PCBP3: variants seen among roughly 807,000 people sequenced by gnomAD.
The protein encoded by PCBP3 is poly(rC)-binding protein 3.
Under a neutral mutation model 52.7 loss-of-function variants are expected in PCBP3, and 25 were observed. That is an observed-to-expected ratio of 0.47 (90% CI 0.35 to 0.66). The LOEUF is 0.66. Ranked by LOEUF, PCBP3 falls within the 30% of genes least tolerant of loss-of-function variation. The pLI is 0.01. For missense variants in PCBP3, 391 were observed against 490.3 expected, an observed-to-expected ratio of 0.80 and a Z score of 1.91; for synonymous variants, 162 against 183.0, an observed-to-expected ratio of 0.89 and a Z score of 0.93.
chr21:45,902,044 G>T (rs1268242200), intron 9 of PCBP3, among the ~76,000 whole-genome samples: 2 of 152,224 alleles, frequency 1.3e-5, no homozygotes, highest in Admixed American at 1.3e-4. Context: ...GCAGGCAGGA[G>T]GGGGAGCTTG....
At position 45,718,490 on chromosome 21, in the gene PCBP3, G is replaced by C. The variant is rs566855428; in HGVS notation, c.-199-16902G>C. ...TACAGCTTCGAAAGACTCCTGTCCT[G>C]TTCTGCCGCTTCCATGCCAGCCAGG... is the stretch of plus-strand genomic sequence containing the variant. On this transcript the variant is annotated intron_variant, in intron 2 of 17. Transcript: ENST00000681687. 4.6e-5 allele frequency among the ~76,000 whole-genome samples: 7 copies of C among 152,098 alleles called. No homozygotes were observed. In the East Asian group the frequency reaches 9.7e-4, roughly 21 times the overall value.
intron 4 of PCBP3, among the ~76,000 whole-genome samples, chr21:45,809,040 G>C (rs553023552): frequency 6.6e-6 from 1 of 152,056 alleles, no homozygotes; most frequent in Non-Finnish European, 1.5e-5. Context: ...GGCCTGTTGG[G>C]GGGTGGGGGG....
chr21:45,860,526 T>A (rs546077916), intron 5 of PCBP3, among the ~76,000 whole-genome samples: 1 of 152,086 alleles, frequency 6.6e-6, no homozygotes, highest in Non-Finnish European at 1.5e-5. Context: ...AACAGAAGGG[T>A]TCCATGGAGA....
chr21:45,785,996 G>A (rs1263890376), intron 4 of PCBP3, among the ~76,000 whole-genome samples: 2 of 149,944 alleles, frequency 1.3e-5, no homozygotes, highest in Admixed American at 6.6e-5. Context: ...CAAACACTGC[G>A]GAAGGCCGCA....
chr21:45,894,385 G>A (rs1728014228), intron 5 of PCBP3, among the ~76,000 whole-genome samples: 1 of 152,080 alleles, frequency 6.6e-6, no homozygotes, highest in Non-Finnish European at 1.5e-5. Context: ...TAAAAGGGAG[G>A]CACAGAGCTC....
chr21:45,857,908 C>T (rs1328587577), intron 5 of PCBP3, among the ~76,000 whole-genome samples: 1 of 152,222 alleles, frequency 6.6e-6, no homozygotes, highest in East Asian at 1.9e-4. Flanking sequence ...GCCTTGCTCT[C>T]CAGTGTTGAC....
At chr21:45,754,609 C>T (rs1261148347) in intron 3 of PCBP3, among the ~76,000 whole-genome samples, 2 of 152,152 alleles carry the variant, frequency 1.3e-5, no homozygotes, top group Non-Finnish European at 2.9e-5. Flanking sequence ...TTCTCACAGC[C>T]ACATAAAGAC....
chr21:45,893,715 T>C (rs2095747434), intron 5 of PCBP3: 13 of 983,708 alleles, frequency 1.3e-5, no homozygotes, highest in Non-Finnish European at 1.6e-5. Flanking sequence ...TCTCCAGCAC[T>C]GGACGGGACA....
At chr21:45,799,277 A>G (rs2092186630) in intron 4 of PCBP3, among the ~76,000 whole-genome samples, 1 of 152,228 alleles carries the variant, frequency 6.6e-6, no homozygotes, top group African/African-American at 2.4e-5. Context: ...TTATATCACA[A>G]TAACAAGTTG....
chr21:45,883,520 T>A (rs148433086), intron 5 of PCBP3, among the ~76,000 whole-genome samples: 3 of 152,376 alleles, frequency 2.0e-5, no homozygotes, highest in Admixed American at 2.0e-4. Flanking sequence ...TTTTATATTT[T>A]TCTTTTCACT....
At chr21:45,938,350 C>A (rs1360864664) in intron 16 of PCBP3, among the ~76,000 whole-genome samples, 2 of 152,216 alleles carry the variant, frequency 1.3e-5, no homozygotes, top group Admixed American at 1.3e-4. Flanking sequence ...AGGAGCTGCT[C>A]TCCCTCCTGG....
chr21:45,847,486 A>G (rs1353087035), intron 4 of PCBP3, among the ~76,000 whole-genome samples: 6 of 152,116 alleles, frequency 3.9e-5, no homozygotes, highest in Non-Finnish European at 4.4e-5. Context: ...GGCTTGAGGA[A>G]GATTCTTTTG....
intron 1 of PCBP3, among the ~76,000 whole-genome samples, chr21:45,653,793 G>A (rs563519097): frequency 2.6e-5 from 4 of 151,814 alleles, no homozygotes; most frequent in South Asian, 4.1e-4. Flanking sequence ...CATTTTCTGT[G>A]TTTATTTTTC....
At chr21:45,799,095 G>C (rs1442727953) in intron 4 of PCBP3, among the ~76,000 whole-genome samples, 1 of 152,252 alleles carries the variant, frequency 6.6e-6, no homozygotes, top group African/African-American at 2.4e-5. Context: ...TCCATAGAGA[G>C]AGTGAATGGA....
At chr21:45,650,771 C>T (rs528588194) in intron 1 of PCBP3, among the ~76,000 whole-genome samples, 3 of 152,164 alleles carry the variant, frequency 2.0e-5, no homozygotes, top group Admixed American at 6.5e-5. Flanking sequence ...TTGGCAAAAT[C>T]GATTCTTAAA....
chr21:45,673,887 T>C (rs1459007970), intron 2 of PCBP3, among the ~76,000 whole-genome samples: 2 of 152,176 alleles, frequency 1.3e-5, no homozygotes, highest in Non-Finnish European at 2.9e-5. Context: ...TTGGGTGCTC[T>C]TCTATAGAGT....
At chr21:45,820,816 C>T (rs1328012809) in intron 4 of PCBP3, among the ~76,000 whole-genome samples, 2 of 152,152 alleles carry the variant, frequency 1.3e-5, no homozygotes, top group African/African-American at 2.4e-5. Flanking sequence ...TGGTGGGAGG[C>T]GCTTTTTCAT....
At chr21:45,849,634 A>G (rs2093916287) in intron 4 of PCBP3, among the ~76,000 whole-genome samples, 1 of 152,248 alleles carries the variant, frequency 6.6e-6, no homozygotes, top group Non-Finnish European at 1.5e-5. Flanking sequence ...ATATAATTTA[A>G]TAAATATTGT....
intron 2 of PCBP3, chr21:45,732,835 T>C (rs777770572): frequency 9.9e-5 from 15 of 152,208 alleles, no homozygotes; most frequent in Non-Finnish European, 2.1e-4. Context: ...TAAAAATGTT[T>C]TTGTATAGAT....
Sources: gnomAD v4.1 joint callset for allele counts (sites outside exome capture counted in the v4.1 genomes callset) on GRCh38, gnomAD v4.1.1 for gene constraint, MANE v1.5 for transcripts, NCBI Gene and HGNC (gene_info 2026-07-23, HGNC 2026-07-21) for gene names.